The following PCNP variants were observed in gnomAD, a reference collection of about 807,000 sequenced individuals.
PCNP encodes the protein PEST proteolytic signal-containing nuclear protein.
In PCNP, 6 loss-of-function variants were observed where a neutral mutation model predicts 21.8. The ratio of observed to expected loss-of-function variants is 0.28; its 90% CI spans 0.15 to 0.54. The LOEUF (loss-of-function observed/expected upper bound fraction) is 0.54, where lower values mean the gene tolerates loss of function less well. PCNP is among the 20% of genes least tolerant of loss of function. The pLI, the probability that PCNP is intolerant of heterozygous loss-of-function variation, is 0.95. For missense variants in PCNP, 161 were observed against 215.5 expected (o/e 0.75, Z 1.58); for synonymous variants, 67 against 73.2 (o/e 0.92, Z 0.43).
At chr3:101,576,258 T>TTA (rs1934876538) in intron 1 of PCNP, among the ~76,000 whole-genome samples, 1 of 143,956 alleles carries the variant, frequency 6.9e-6, no homozygotes, top group Non-Finnish European at 1.5e-5. Flanking sequence ...TTTTTTTTTT[T>TTA]GAGATGGAGC....
chr3:101,593,959 A>G lies in PCNP; in HGVS notation c.*1206A>G, dbSNP rs1935938265. 1 of 152,612 alleles carries G rather than the reference A, an allele frequency of 6.6e-6. No individual in the cohort carries two copies. Among genetic ancestry groups the G allele is most frequent in the Non-Finnish European group, 1.5e-5 (1 of 68,034 alleles). The allele number at this position is 152,612 out of a possible 1,614,324, so 9.5% of individuals were successfully genotyped here. On this transcript the variant is annotated 3_prime_UTR_variant, in exon 5 of 5. Coordinates refer to ENST00000265260, the MANE Select transcript of PCNP (RefSeq NM_020357.3). The stretch of plus-strand genomic sequence containing the variant: ...TGTATTGTATATGAACTTTTTTTAA[A>G]TGTGACAGTTAAACACATCTTTAAA...
chr3:101,586,605 G>GAGAGAGAGAGAGAGAGTTTCTTGTTTC (rs1935539819), intron 3 of PCNP, among the ~76,000 whole-genome samples: 5 of 142,474 alleles, frequency 3.5e-5, no homozygotes, highest in Non-Finnish European at 6.0e-5. Flanking sequence ...TTGTTTCAGA[G>GAGAGAGAGAGAGAGAGTTTCTTGTTTC]AGAGAGAGAG....
At chr3:101,576,377 G>A in intron 1 of PCNP, 1 of 797,954 alleles carries the variant, frequency 1.3e-6, no homozygotes, top group Non-Finnish European at 1.9e-6. Context: ...TGGGACTACA[G>A]GCGCGGGCCA....
chr3:101,577,057 C>T, intron 1 of PCNP: 3 of 690,792 alleles, frequency 4.3e-6, no homozygotes, highest in Non-Finnish European at 7.9e-6. Flanking sequence ...AATCTCTTGA[C>T]CTCGTGATCC....
chr3:101,587,607 G>A (rs1935599463), intron 3 of PCNP, among the ~76,000 whole-genome samples: 1 of 151,194 alleles, frequency 6.6e-6, no homozygotes, highest in South Asian at 2.1e-4. Context: ...ATGATACTGT[G>A]GAAATTGAGA....
At chr3:101,576,209 G>A (rs991297920) in intron 1 of PCNP, among the ~76,000 whole-genome samples, 2 of 148,708 alleles carry the variant, frequency 1.3e-5, no homozygotes, top group African/African-American at 4.9e-5. Context: ...CTACTAAGTT[G>A]GAAGTATAAG....
rs1239196956 is a variant in PCNP, at chr3:101,574,247, C to T, written c.32C>T (p.Pro11Leu). 1 of 1,549,630 alleles carries T rather than the reference C, an allele frequency of 6.5e-7. No homozygotes were observed. The highest frequency in any genetic ancestry group is 8.7e-7 in the Non-Finnish European group (1 of 1,145,860). ...GACGGGAAGGCGGGAGACGAGAAGC[C>T]TGAAAAGTCGCAGCGAGCTGGAGCC... MADGKAGDEK[P>L]EKSQRAGAAG... The change falls in exon 1 of 5, where the codon CCT becomes CTT. Residue 11 changes from proline to leucine, a missense_variant. Coordinates refer to ENST00000265260, the MANE Select transcript of PCNP (RefSeq NM_020357.3).
chr3:101,590,188 T>C (rs1178331769), intron 3 of PCNP, 27 bp from the exon 4 acceptor site: 5 of 1,334,542 alleles, frequency 3.7e-6, no homozygotes, highest in Non-Finnish European at 3.2e-6. Context: ...TATGCAGTTA[T>C]CTTGGTTTAC....
chr3:101,576,704 A>T, intron 1 of PCNP: 1 of 1,612,004 alleles, frequency 6.2e-7, no homozygotes, highest in Non-Finnish European at 8.5e-7. Flanking sequence ...TTCAAGAACC[A>T]GTCTGGGATC....
intron 1 of PCNP, chr3:101,579,462 G>C: frequency 4.4e-6 from 2 of 456,406 alleles, no homozygotes; most frequent in Non-Finnish European, 8.5e-6. Flanking sequence ...AGATAGATCT[G>C]ATTTCTAAAA....
chr3:101,577,571 C>A (rs1934992302), intron 1 of PCNP, among the ~76,000 whole-genome samples: 1 of 152,220 alleles, frequency 6.6e-6, no homozygotes, highest in African/African-American at 2.4e-5. Flanking sequence ...GTCGCCCAAG[C>A]TGGAATGTAG....
At chr3:101,583,444 ACT>A (rs1165494135) in intron 2 of PCNP, among the ~76,000 whole-genome samples, 1 of 151,946 alleles carries the variant, frequency 6.6e-6, no homozygotes, top group South Asian at 2.1e-4. Context: ...ACAGAGCAAG[ACT>A]CTTGTCTCAA....
At chr3:101,574,356 G>T in intron 1 of PCNP, 77 bp downstream of exon 1, 1 of 1,447,190 alleles carries the variant, frequency 6.9e-7, no homozygotes, top group South Asian at 1.3e-5. Flanking sequence ...GGGGGGAGTG[G>T]GGTGGGGCGA....
chr3:101,590,976 G>C (rs1382988773), intron 4 of PCNP, among the ~76,000 whole-genome samples: 1 of 151,474 alleles, frequency 6.6e-6, no homozygotes, highest in Admixed American at 6.6e-5. Flanking sequence ...ACAGGATCTT[G>C]CTGTGTTGCC....
rs535868564 is a variant in PCNP, at chr3:101,591,170, GTATTT to G, written c.410+903_410+907del. 2.1e-3 allele frequency among the ~76,000 whole-genome samples: 323 copies of G among 152,244 alleles called. 7 individuals are homozygous for G. Among genetic ancestry groups the G allele is most frequent in the Admixed American group, 0.02 (306 of 15,282 alleles). On this transcript the variant is annotated intron_variant, in intron 4 of 4. Transcript: ENST00000265260. Reference sequence around the variant, plus strand: ...AAATACCAAAATAAGATAAATGAAAGTATTTTAATTTTCTCCATTGTTGCTGTTGT... The same window carrying G: ...AAATACCAAAATAAGATAAATGAAAGTAATTTTCTCCATTGTTGCTGTTGT...
upstream of PCNP, chr3:101,574,107 G>A (rs1420324343): frequency 1.0e-5 from 15 of 1,437,482 alleles, no homozygotes; most frequent in South Asian, 1.9e-4. Context: ...TTCATTCCTC[G>A]GGACCGCTCT....
chr3:101,590,745 C>T (rs369684688), intron 4 of PCNP, among the ~76,000 whole-genome samples: 75 of 151,900 alleles, frequency 4.9e-4, no homozygotes, highest in Middle Eastern at 3.4e-3. Flanking sequence ...GGCAAGGTCT[C>T]GCTATGTTGC....
intron 3 of PCNP, among the ~76,000 whole-genome samples, chr3:101,586,515 T>A (rs1935514668): frequency 1.0e-5 from 1 of 96,830 alleles, no homozygotes; most frequent in Non-Finnish European, 2.6e-5. Flanking sequence ...CATCAGTAGT[T>A]GTTCCCAAAA....
intron 1 of PCNP, among the ~76,000 whole-genome samples, chr3:101,578,965 A>G (rs1935080140): frequency 6.6e-6 from 1 of 152,238 alleles, no homozygotes; most frequent in Non-Finnish European, 1.5e-5. Context: ...AACAGACCCA[A>G]GAAAGTCAGA....
Sources: gnomAD v4.1 joint callset for allele counts (sites outside exome capture counted in the v4.1 genomes callset) on GRCh38, gnomAD v4.1.1 for gene constraint, MANE v1.5 for transcripts, NCBI Gene and HGNC (gene_info 2026-07-23, HGNC 2026-07-21) for gene names.